Variants in CNBD2 observed in about 807,000 individuals in gnomAD.
CNBD2 encodes the protein cyclic nucleotide-binding domain-containing protein 2.
A neutral mutation model predicts 63.7 loss-of-function variants in CNBD2; 64 were observed. The ratio of observed to expected loss-of-function variants is 1.00; its 90% CI spans 0.82 to 1.24. The LOEUF is 1.24. Ranked by LOEUF, CNBD2 falls within the 50% of genes most tolerant of loss-of-function variation. The probability of loss-of-function intolerance (pLI) is 0.00; values close to 1 mark genes in which losing one functional copy is unlikely to be tolerated. For synonymous variants in CNBD2, 229 were observed against 255.4 expected, an observed-to-expected ratio of 0.90 and a Z score of 0.99; for missense variants, 691 against 713.5, an observed-to-expected ratio of 0.97 and a Z score of 0.36.
rs146483621 is a variant in CNBD2, at chr20:35,968,961, G to A, written c.51+148G>A. ...GAGTCACAGCATGGCACAAAGGAGG[G>A]ACCCCTGCCCTGTAGCCTACCAGCC... On this transcript the variant is annotated intron_variant, in intron 1 of 11. Transcript: ENST00000373973. 76 of 623,984 alleles carry A rather than the reference G, an allele frequency of 1.2e-4. No individual in the cohort carries two copies. In the Middle Eastern group the frequency reaches 1.4e-3, roughly 11 times the overall value. 38.7% of individuals were successfully genotyped at this position (623,984 alleles called of 1,614,324 possible). A position where few individuals can be genotyped will look rare whatever the true frequency, so the allele number is the denominator to read the frequency against.
chr20:36,024,522 G>A (rs1346410023), intron 11 of CNBD2, among the ~76,000 whole-genome samples: 8 of 151,636 alleles, frequency 5.3e-5, no homozygotes, highest in Non-Finnish European at 1.0e-4. Context: ...CCAGCTACTC[G>A]GGAGGCTGAT....
rs548362213 is a variant in CNBD2, at chr20:35,961,792, A to G, written c.228+4018A>G. Among the ~76,000 whole-genome samples, 7 of 152,002 alleles carry G rather than the reference A, an allele frequency of 4.6e-5. No homozygotes were observed. In the South Asian group the frequency reaches 1.5e-3, roughly 32 times the overall value. ...GCTTCTTCTGACAGGGTTTTTTGTG[A>G]GTATGTGAATTGGTTTAGCCCTCTC... On this transcript the variant is annotated intron_variant, in intron 2 of 4. Coordinates refer to the CNBD2 transcript ENST00000622112.
downstream of CNBD2, among the ~76,000 whole-genome samples, chr20:35,958,158 C>T (rs1249346396): frequency 2.6e-5 from 4 of 152,294 alleles, no homozygotes; most frequent in Admixed American, 2.6e-4. Context: ...ATTGGCCAAG[C>T]ATGGTGGCTC....
At position 35,988,794 on chromosome 20, in the gene CNBD2, G is replaced by A. The variant is rs577520937; in HGVS notation, c.855+1261G>A. On this transcript the variant is annotated intron_variant, in intron 7 of 11. Transcript: ENST00000373973. ...GTGTCCAGGATGTACATTTTTGTTG[G>A]TGCCATCACAGCTCTGCCAGCCTTG... 1.8e-4 allele frequency among the ~76,000 whole-genome samples: 27 copies of A among 152,150 alleles called. No homozygotes were observed. The South Asian group carries it at 3.5e-3, about 20-fold the overall frequency.
At chr20:36,021,201 T>A (rs143544232) in intron 10 of CNBD2, among the ~76,000 whole-genome samples, 24 of 152,308 alleles carry the variant, frequency 1.6e-4, no homozygotes, top group African/African-American at 5.8e-4. Context: ...GTGGGACATA[T>A]ACACAATGGA....
At chr20:36,009,057 C>T (rs1401702755) in intron 9 of CNBD2, among the ~76,000 whole-genome samples, 1 of 152,116 alleles carries the variant, frequency 6.6e-6, no homozygotes, top group Admixed American at 6.6e-5. Context: ...TGTAGCTGGG[C>T]ATAGTGGCAC....
At chr20:35,975,589 CG>C (rs2056504858) in intron 2 of CNBD2, among the ~76,000 whole-genome samples, 1 of 152,104 alleles carries the variant, frequency 6.6e-6, no homozygotes, top group Non-Finnish European at 1.5e-5. Flanking sequence ...CGTGAGCCAC[CG>C]CGCCCAGCCT....
intron 8 of CNBD2, among the ~76,000 whole-genome samples, chr20:35,999,831 C>G (rs1323000767): frequency 6.6e-6 from 1 of 152,082 alleles, no homozygotes; most frequent in Non-Finnish European, 1.5e-5. Flanking sequence ...GTGCCTGCCA[C>G]CATGCCCAGC....
At chr20:35,969,113 A>G (rs1340302987) in intron 1 of CNBD2, among the ~76,000 whole-genome samples, 1 of 152,184 alleles carries the variant, frequency 6.6e-6, no homozygotes, top group Non-Finnish European at 1.5e-5. Context: ...ACATTGAGTC[A>G]TAGGTTAAGC....
intron 1 of CNBD2, among the ~76,000 whole-genome samples, chr20:35,969,249 T>G (rs1481336395): frequency 6.6e-6 from 1 of 152,252 alleles, no homozygotes; most frequent in Admixed American, 6.5e-5. Flanking sequence ...ATGATAATAC[T>G]AGTACCTACT....
chr20:36,026,127 G>A (rs932731314), intron 11 of CNBD2, among the ~76,000 whole-genome samples: 3 of 151,976 alleles, frequency 2.0e-5, no homozygotes, highest in African/African-American at 4.8e-5. Flanking sequence ...TCTGCCTCCC[G>A]GGCTCAAGTG....
At chr20:35,968,222 A>C (rs2056363827), upstream of CNBD2, among the ~76,000 whole-genome samples, 1 of 152,196 alleles carries the variant, frequency 6.6e-6, no homozygotes, top group African/African-American at 2.4e-5. Flanking sequence ...GTGGGTTTTT[A>C]GAGTTTTCTA....
chr20:35,960,559 C>T (rs763725286), intron 2 of CNBD2, among the ~76,000 whole-genome samples: 1 of 152,168 alleles, frequency 6.6e-6, no homozygotes, highest in Non-Finnish European at 1.5e-5. Context: ...CGCTATGTTG[C>T]CCAGGCTGGC....
chr20:36,007,610 C>T lies in CNBD2; in HGVS notation c.971-687C>T, dbSNP rs953755587. ...TAAACACAGCTCACTACAGCCTCAACTTCCTGGGCTCATGCAATCCTTCCA... is the reference window on the plus strand; with the variant it reads ...TAAACACAGCTCACTACAGCCTCAATTTCCTGGGCTCATGCAATCCTTCCA... On this transcript the variant is annotated intron_variant, in intron 8 of 11. Coordinates refer to ENST00000373973, the MANE Select transcript of CNBD2 (RefSeq NM_001365709.1). Among the ~76,000 whole-genome samples the T allele has an allele frequency of 1.7e-4, 26 of 152,196 alleles. 1 individual carries two copies.
chr20:35,955,180 C>G (rs1000532386), exon 1 of CNBD2: 1 of 163,962 alleles, frequency 6.1e-6, no homozygotes, highest in African/African-American at 2.4e-5. Context: ...TGAGTTGACT[C>G]AGCTCTTGCA....
chr20:35,980,651 C>T (rs2056585836), intron 4 of CNBD2, 29 bp downstream of exon 4: 2 of 1,609,378 alleles, frequency 1.2e-6, no homozygotes, highest in Non-Finnish European at 1.7e-6. Context: ...CCTTGGCCAC[C>T]AGGCTGAGGC....
At chr20:35,982,869 C>T (rs1488256447) in intron 4 of CNBD2, among the ~76,000 whole-genome samples, 1 of 151,966 alleles carries the variant, frequency 6.6e-6, no homozygotes, top group Admixed American at 6.5e-5. Context: ...TGCACCCCCA[C>T]ATTTGGCTAA....
chr20:35,990,680 G>T (rs1326066636), intron 7 of CNBD2, among the ~76,000 whole-genome samples: 1 of 152,094 alleles, frequency 6.6e-6, no homozygotes, highest in Non-Finnish European at 1.5e-5. Flanking sequence ...GCTGGGTACA[G>T]TGGCTCACGC....
chr20:36,008,063 G>A (rs576260215), intron 8 of CNBD2, among the ~76,000 whole-genome samples: 57 of 152,286 alleles, frequency 3.7e-4, no homozygotes, highest in African/African-American at 1.3e-3. Flanking sequence ...ATCTCTTAAA[G>A]TGTGTTAATC....
Sources: allele counts gnomAD v4.1 joint callset (sites outside exome capture counted in the v4.1 genomes callset), GRCh38; gene constraint gnomAD v4.1.1; transcripts MANE v1.5; gene names NCBI Gene and HGNC (gene_info 2026-07-23, HGNC 2026-07-21).